MED13L: variants seen among roughly 807,000 people sequenced by gnomAD.
The protein encoded by MED13L is mediator of RNA polymerase II transcription subunit 13-like.
Under a neutral mutation model 220.9 loss-of-function variants are expected in MED13L, and 7 were observed. The observed-to-expected ratio is 0.03, with a 90% confidence interval of 0.02 to 0.06. The LOEUF (loss-of-function observed/expected upper bound fraction) is 0.06, where lower values mean the gene tolerates loss of function less well. Among genes scored for constraint, MED13L ranks in the 10% least tolerant of loss-of-function variants. The pLI, the probability that MED13L is intolerant of heterozygous loss-of-function variation, is 1.00. For missense variants in MED13L, 1,965 were observed against 2,760.5 expected (o/e 0.71, Z 6.46); for synonymous variants, 1,011 against 1,015.2 (o/e 1.00, Z 0.08).
chr12:116,095,993 G>C (rs1023619229), intron 4 of MED13L, among the ~76,000 whole-genome samples: 2 of 151,838 alleles, frequency 1.3e-5, no homozygotes, highest in Non-Finnish European at 2.9e-5. Context: ...GGGCACCAAT[G>C]AATTCCACAA....
intron 1 of MED13L, among the ~76,000 whole-genome samples, chr12:116,271,205 G>A (rs1034159758): frequency 1.4e-5 from 2 of 141,332 alleles, no homozygotes; most frequent in South Asian, 2.2e-4. Flanking sequence ...AAACAAATAC[G>A]TGTGTGTGTG....
Position 116,204,399 on chromosome 12 carries a change from G to A in MED13L, c.310+33069C>T, listed in dbSNP as rs117793345. On this transcript the variant is annotated intron_variant, in intron 2 of 30. Transcript: ENST00000281928. ...AGTAGCTACTACGCAGGAAGAACTT[G>A]TAAGAACTTTCCTGGCTAGCAAAAG... Among the ~76,000 whole-genome samples the A allele has an allele frequency of 4.9e-3, 751 of 152,306 alleles. 7 individuals carry two copies. Among genetic ancestry groups the A allele is most frequent in the South Asian group, 0.014 (67 of 4,824 alleles).
intron 2 of MED13L, among the ~76,000 whole-genome samples, chr12:116,161,318 C>G (rs1409458931): frequency 6.6e-6 from 1 of 152,110 alleles, no homozygotes; most frequent in Non-Finnish European, 1.5e-5. Context: ...TGAAACAGTT[C>G]TGGAAGTGGC....
At chr12:116,165,488 G>A (rs562795429) in intron 2 of MED13L, among the ~76,000 whole-genome samples, 3 of 151,688 alleles carry the variant, frequency 2.0e-5, no homozygotes, top group Admixed American at 2.0e-4. Flanking sequence ...CCGCCACCAA[G>A]CCCAGCTAAC....
intron 2 of MED13L, among the ~76,000 whole-genome samples, chr12:116,117,625 T>C (rs911440291): frequency 6.6e-6 from 1 of 151,942 alleles, no homozygotes; most frequent in South Asian, 2.1e-4. Flanking sequence ...CCAAAAGATA[T>C]GGTATTTATG....
chr12:116,208,752 G>A (rs1454151917), intron 2 of MED13L, among the ~76,000 whole-genome samples: 1 of 152,190 alleles, frequency 6.6e-6, no homozygotes, highest in African/African-American at 2.4e-5. Flanking sequence ...CACTGCTTGA[G>A]GCTGGGAGTT....
chr12:115,970,730 T>C lies in MED13L; in HGVS notation c.5931A>G (p.Ala1977=), dbSNP rs1256830285. 1 of 1,613,968 alleles carries C rather than the reference T, an allele frequency of 6.2e-7. No homozygotes were observed. Among genetic ancestry groups the C allele is most frequent in the African/African-American group, 1.3e-5 (1 of 74,920 alleles). The change falls in exon 27 of 31, where the codon GCA becomes GCG. Residue 1977 remains alanine (A), a synonymous_variant. Transcript: ENST00000281928. ...TMGSVFGRST[A]LNMQSSQLNT... ...TGAGCTGAGATGACTGCATGTTCAGTGCAGTACTTCGGCCAAAAACAGAGC... is the reference window on the plus strand; with the variant it reads ...TGAGCTGAGATGACTGCATGTTCAGCGCAGTACTTCGGCCAAAAACAGAGC...
At chr12:116,009,606 T>C (rs193030073) in intron 9 of MED13L, among the ~76,000 whole-genome samples, 86 of 152,336 alleles carry the variant, frequency 5.6e-4, no homozygotes, top group Middle Eastern at 3.4e-3. Context: ...GCAACTACTC[T>C]GCCTCAAAGT....
chr12:116,224,054 T>C (rs1342458651), intron 2 of MED13L, among the ~76,000 whole-genome samples: 3 of 152,186 alleles, frequency 2.0e-5, no homozygotes, highest in African/African-American at 2.4e-5. Context: ...TACCAGGCAT[T>C]ACGATGGTCC....
intron 1 of MED13L, among the ~76,000 whole-genome samples, chr12:116,240,843 T>A (rs1272988007): frequency 6.6e-6 from 1 of 151,916 alleles, no homozygotes; most frequent in African/African-American, 2.4e-5. Context: ...GTGTATGTTT[T>A]AATCAGAAAC....
At chr12:115,995,851 T>C (rs1452827252) in intron 16 of MED13L, among the ~76,000 whole-genome samples, 1 of 152,180 alleles carries the variant, frequency 6.6e-6, no homozygotes, top group Non-Finnish European at 1.5e-5. Flanking sequence ...GTACTGAAAG[T>C]AAAAAACAGA....
rs1036010536 is a variant in MED13L, at chr12:116,129,392, A to G, written c.311-17880T>C. ...TATTCGTATTCATTTTGTATCCTTC[A>G]GTCTAGAAAAAGCAAGGCCCTTTTT... On this transcript the variant is annotated intron_variant, in intron 2 of 30. Transcript: ENST00000281928. 1.3e-4 allele frequency among the ~76,000 whole-genome samples: 20 copies of G among 152,182 alleles called. 1 individual carries two copies. Among genetic ancestry groups the G allele is most frequent in the Admixed American group, 1.3e-3 (20 of 15,288 alleles).
At chr12:116,138,417 G>A (rs537854424) in intron 2 of MED13L, among the ~76,000 whole-genome samples, 1 of 152,206 alleles carries the variant, frequency 6.6e-6, no homozygotes, top group Non-Finnish European at 1.5e-5. Flanking sequence ...GAAAGTGAAA[G>A]AACTGAAGAC....
At chr12:116,161,330 A>G (rs1878837383) in intron 2 of MED13L, among the ~76,000 whole-genome samples, 1 of 152,102 alleles carries the variant, frequency 6.6e-6, no homozygotes, top group African/African-American at 2.4e-5. Context: ...GGAAGTGGCA[A>G]AGTCCTCAGG....
At chr12:116,100,216 A>G (rs535386322) in intron 3 of MED13L, among the ~76,000 whole-genome samples, 3 of 152,244 alleles carry the variant, frequency 2.0e-5, no homozygotes, top group South Asian at 2.1e-4. Flanking sequence ...CCTAATTGAT[A>G]CAAGGGAATA....
At chr12:116,156,156 TA>T (rs1356316610) in intron 2 of MED13L, among the ~76,000 whole-genome samples, 1 of 152,090 alleles carries the variant, frequency 6.6e-6, no homozygotes, top group Non-Finnish European at 1.5e-5. Flanking sequence ...AAGCTTATAA[TA>T]ATTATTAGCA....
intron 2 of MED13L, among the ~76,000 whole-genome samples, chr12:116,228,816 A>G (rs1433504232): frequency 2.0e-5 from 3 of 152,160 alleles, no homozygotes; most frequent in Non-Finnish European, 4.4e-5. Context: ...CTTTTCTTCA[A>G]TTTTCCACAT....
chr12:116,010,505 T>G (rs1411086495), intron 9 of MED13L, among the ~76,000 whole-genome samples: 1 of 152,186 alleles, frequency 6.6e-6, no homozygotes, highest in Non-Finnish European at 1.5e-5. Flanking sequence ...TCAACTGTAT[T>G]TAATGATTCA....
intron 4 of MED13L, among the ~76,000 whole-genome samples, chr12:116,049,767 A>G (rs968477205): frequency 6.6e-6 from 1 of 152,232 alleles, no homozygotes; most frequent in Non-Finnish European, 1.5e-5. Context: ...TATACCACAC[A>G]GTGGAAGAAA....
Sources: gnomAD v4.1 joint callset for allele counts (sites outside exome capture counted in the v4.1 genomes callset) on GRCh38, gnomAD v4.1.1 for gene constraint, MANE v1.5 for transcripts, NCBI Gene and HGNC (gene_info 2026-07-23, HGNC 2026-07-21) for gene names.